The following KCND2 variants were observed in gnomAD, a reference collection of about 807,000 sequenced individuals.
KCND2 encodes the protein potassium voltage-gated channel subfamily D member 2, also known as A-type voltage-gated potassium channel KCND2.
Under a neutral mutation model 54.4 loss-of-function variants are expected in KCND2, and 16 were observed. The observed-to-expected ratio is 0.29, with a 90% confidence interval of 0.20 to 0.45. The LOEUF is 0.45. Among genes scored for constraint, KCND2 ranks in the 20% least tolerant of loss-of-function variants. KCND2 has a pLI of 1.00. For synonymous variants in KCND2, 317 were observed against 310.7 expected (o/e 1.02, Z -0.21); for missense variants, 486 against 824.2 (o/e 0.59, Z 5.02).
chr7:120,687,217 T>C (rs1792213208), intron 1 of KCND2, among the ~76,000 whole-genome samples: 1 of 152,166 alleles, frequency 6.6e-6, no homozygotes, highest in African/African-American at 2.4e-5. Context: ...ACCACTGTGC[T>C]ACCCTCTGCT....
intron 1 of KCND2, among the ~76,000 whole-genome samples, chr7:120,400,116 C>T (rs949366274): frequency 6.6e-6 from 1 of 152,044 alleles, no homozygotes; most frequent in Non-Finnish European, 1.5e-5. Flanking sequence ...TGTTATAATG[C>T]CTTACGGAAC....
At chr7:120,600,964 C>G (rs906459733) in intron 1 of KCND2, among the ~76,000 whole-genome samples, 14 of 152,024 alleles carry the variant, frequency 9.2e-5, no homozygotes, top group African/African-American at 3.1e-4. Context: ...TACTGCAACA[C>G]TATTTAAGTT....
intron 1 of KCND2, among the ~76,000 whole-genome samples, chr7:120,609,322 G>A (rs752003855): frequency 5.3e-5 from 8 of 152,158 alleles, no homozygotes; most frequent in African/African-American, 1.7e-4. Flanking sequence ...GATGAGAGGC[G>A]GGATGGGGTT....
At chr7:120,514,155 A>G (rs1404223622) in intron 1 of KCND2, among the ~76,000 whole-genome samples, 2 of 152,106 alleles carry the variant, frequency 1.3e-5, no homozygotes, top group Non-Finnish European at 2.9e-5. Context: ...GTTCCTGGAA[A>G]AGATGTGGCA....
intron 1 of KCND2, among the ~76,000 whole-genome samples, chr7:120,681,661 G>C (rs538569885): frequency 6.6e-6 from 1 of 151,566 alleles, no homozygotes; most frequent in Non-Finnish European, 1.5e-5. Flanking sequence ...TGAGTTTTAG[G>C]CTTTCTAATT....
intron 1 of KCND2, among the ~76,000 whole-genome samples, chr7:120,711,955 A>T (rs1792543189): frequency 6.6e-6 from 1 of 152,120 alleles, no homozygotes; most frequent in Admixed American, 6.6e-5. Flanking sequence ...TGTAACAAAG[A>T]CTAAATAATT....
intron 1 of KCND2, among the ~76,000 whole-genome samples, chr7:120,642,278 G>A (rs193138701): frequency 2.0e-5 from 3 of 151,856 alleles, no homozygotes; most frequent in East Asian, 1.9e-4. Context: ...GGCCGGGCCC[G>A]GTGGCTCACG....
At chr7:120,495,360 A>G (rs960142035) in intron 1 of KCND2, among the ~76,000 whole-genome samples, 6 of 151,842 alleles carry the variant, frequency 4.0e-5, no homozygotes, top group Admixed American at 2.6e-4. Context: ...TTTTACCCCA[A>G]TTCAGTATGA....
intron 1 of KCND2, among the ~76,000 whole-genome samples, chr7:120,727,263 C>A (rs1246843188): frequency 6.6e-6 from 1 of 152,178 alleles, no homozygotes; most frequent in Non-Finnish European, 1.5e-5. Flanking sequence ...CATGCAACTT[C>A]TGAACTAGTC....
intron 1 of KCND2, among the ~76,000 whole-genome samples, chr7:120,712,056 T>G (rs11984204): frequency 0.13 from 19,691 of 151,252 alleles, 1,746 homozygotes; most frequent in African/African-American, 0.24. Context: ...AGGAGCTGAC[T>G]TGATCGGTCC....
At chr7:120,716,110 T>A (rs1273560155) in intron 1 of KCND2, among the ~76,000 whole-genome samples, 3 of 152,132 alleles carry the variant, frequency 2.0e-5, no homozygotes, top group Non-Finnish European at 4.4e-5. Context: ...CCTAGTTCAC[T>A]CTTGTGTCAA....
chr7:120,359,141 G>A (rs1380833865), intron 1 of KCND2, among the ~76,000 whole-genome samples: 1 of 152,152 alleles, frequency 6.6e-6, no homozygotes, highest in African/African-American at 2.4e-5. Flanking sequence ...AGCATGTTCA[G>A]TGCTTCATAT....
intron 2 of KCND2, among the ~76,000 whole-genome samples, chr7:120,735,398 T>C (rs971568145): frequency 4.6e-5 from 7 of 152,052 alleles, no homozygotes; most frequent in Admixed American, 1.3e-4. Flanking sequence ...ACCAAAAGTT[T>C]AACTTTCAAC....
chr7:120,450,954 T>C (rs928087674), intron 1 of KCND2, among the ~76,000 whole-genome samples: 11 of 152,206 alleles, frequency 7.2e-5, no homozygotes, highest in Non-Finnish European at 1.3e-4. Flanking sequence ...CAATGGAATT[T>C]CTTTGCGCCA....
chr7:120,741,715 G>A (rs1792943884), intron 3 of KCND2, 86 bp downstream of exon 3: 2 of 948,888 alleles, frequency 2.1e-6, no homozygotes, highest in Admixed American at 2.0e-5. Flanking sequence ...TTTTATTATG[G>A]CTAATTATGA....
chr7:120,320,449 C>T (rs374733882), intron 1 of KCND2, among the ~76,000 whole-genome samples: 6 of 152,020 alleles, frequency 3.9e-5, no homozygotes, highest in Admixed American at 2.0e-4. Context: ...GTTCAGTGTG[C>T]GAAGCTTACA....
At chr7:120,706,595 C>G (rs1792472111) in intron 1 of KCND2, among the ~76,000 whole-genome samples, 1 of 152,126 alleles carries the variant, frequency 6.6e-6, no homozygotes, top group Admixed American at 6.6e-5. Flanking sequence ...TCTTTTAATG[C>G]TATCACATTG....
chr7:120,472,486 C>A (rs1292728752), intron 1 of KCND2, among the ~76,000 whole-genome samples: 1 of 151,984 alleles, frequency 6.6e-6, no homozygotes, highest in Non-Finnish European at 1.5e-5. Flanking sequence ...CTATCATGGG[C>A]AATTTACTTT....
At chr7:120,576,455 T>G (rs1220253856) in intron 1 of KCND2, among the ~76,000 whole-genome samples, 2 of 152,234 alleles carry the variant, frequency 1.3e-5, no homozygotes, top group Admixed American at 1.3e-4. Flanking sequence ...AATAATGTTA[T>G]GTAGAACGAC....
Sources: gnomAD v4.1 joint callset for allele counts (sites outside exome capture counted in the v4.1 genomes callset) on GRCh38, gnomAD v4.1.1 for gene constraint, MANE v1.5 for transcripts, NCBI Gene and HGNC (gene_info 2026-07-23, HGNC 2026-07-21) for gene names.